PRDM10: variants seen among roughly 807,000 people sequenced by gnomAD.
The protein encoded by PRDM10 is PR/SET domain 10, also known as PR domain zinc finger protein 10.
In PRDM10, 65 loss-of-function variants were observed where a neutral mutation model predicts 133.1. The ratio of observed to expected loss-of-function variants is 0.49; its 90% CI spans 0.40 to 0.60. The LOEUF is 0.60. Among genes scored for constraint, PRDM10 ranks in the 20% least tolerant of loss-of-function variants. The pLI, the probability that PRDM10 is intolerant of heterozygous loss-of-function variation, is 0.00. For missense variants in PRDM10, 1,137 were observed against 1,507.1 expected (o/e 0.75, Z 4.07); for synonymous variants, 582 against 580.4 (o/e 1.00, Z -0.04).
In PRDM10 at chr11:129,918,530, G is replaced by C. The variant is rs1157911517; in HGVS notation, c.2214+9C>G. ...AAGACAGAGGAACCCGCAGCCACTG[G>C]GCACTGACCAGCATGCCGCGCCGCC... On this transcript the variant is annotated intron_variant, in intron 14 of 20. Coordinates refer to ENST00000360871, the MANE Select transcript of PRDM10 (RefSeq NM_199437.2). This position sits in a 1 kb window ranked among gnomAD's most constrained non-coding sequence, Gnocchi z 5.3. The C allele has an allele frequency of 6.2e-7, 1 of 1,611,928 alleles. No individual in the cohort carries two copies. Among genetic ancestry groups the C allele is most frequent in the Non-Finnish European group, 8.5e-7 (1 of 1,178,988 alleles).
chr11:129,910,349 C>T (rs1950147566), intron 19 of PRDM10, 127 bp downstream of exon 19: 14 of 1,289,318 alleles, frequency 1.1e-5, no homozygotes, highest in Middle Eastern at 5.5e-4. Flanking sequence ...CATTGAAGTA[C>T]ATTCATAGAG....
intron 3 of PRDM10, 27 bp from the exon 4 acceptor site, chr11:129,955,598 A>T: frequency 6.2e-7 from 1 of 1,610,046 alleles, no homozygotes. Context: ...ACAAAAAATT[A>T]TCAGTAGCTC....
intron 1 of PRDM10, among the ~76,000 whole-genome samples, chr11:129,984,863 T>C (rs1938325648): frequency 6.6e-6 from 1 of 152,224 alleles, no homozygotes; most frequent in South Asian, 2.1e-4. Flanking sequence ...GAGGATGCTT[T>C]CTCCGCCACT....
intron 2 of PRDM10, 137 bp downstream of exon 2, chr11:129,960,759 A>G: frequency 1.2e-6 from 1 of 838,522 alleles, no homozygotes; most frequent in Non-Finnish European, 1.9e-6. Context: ...AACAGTCCCT[A>G]TTCCTTGTGT....
In PRDM10 at chr11:129,945,166, C is replaced by G. The variant is rs538991130; in HGVS notation, c.521-154G>C. 6.6e-6 allele frequency among the ~76,000 whole-genome samples: 1 copy of G among 152,310 alleles called. No individual in the cohort carries two copies. Among genetic ancestry groups the G allele is most frequent in the South Asian group, 2.1e-4 (1 of 4,830 alleles). The stretch of plus-strand genomic sequence containing the variant: ...GCTACCCATTCAACGGTAATACATT[C>G]TCTCTGGGAGACCAGTAAAAATCCT... On this transcript the variant is annotated intron_variant, in intron 5 of 20. Transcript: ENST00000360871. This position sits in a 1 kb window ranked among gnomAD's most constrained non-coding sequence, Gnocchi z 4.2.
chr11:129,927,422 T>C (rs934656860), intron 11 of PRDM10, among the ~76,000 whole-genome samples: 5 of 152,184 alleles, frequency 3.3e-5, no homozygotes, highest in African/African-American at 1.2e-4. Flanking sequence ...ACTTTTGCCA[T>C]GTAGGAATCT....
intron 1 of PRDM10, among the ~76,000 whole-genome samples, chr11:129,971,778 A>T (rs1952031549): frequency 6.6e-6 from 1 of 152,226 alleles, no homozygotes; most frequent in Admixed American, 6.5e-5. Context: ...CACCCAGTGG[A>T]TCCCGCACCG....
chr11:129,993,643 C>T (rs1228151984), intron 1 of PRDM10, among the ~76,000 whole-genome samples: 2 of 152,134 alleles, frequency 1.3e-5, no homozygotes, highest in Non-Finnish European at 2.9e-5. Context: ...CGCCACCACA[C>T]CTGGCTAACT....
intron 1 of PRDM10, among the ~76,000 whole-genome samples, chr11:129,989,809 T>C (rs903227823): frequency 4.6e-5 from 7 of 152,152 alleles, no homozygotes; most frequent in East Asian, 1.9e-4. Flanking sequence ...CACTACAATA[T>C]GTAATATAAA....
chr11:129,943,502 G>A (rs1415375145), intron 6 of PRDM10, among the ~76,000 whole-genome samples: 4 of 152,190 alleles, frequency 2.6e-5, no homozygotes, highest in African/African-American at 4.8e-5. Flanking sequence ...ACTTTTAAAG[G>A]GGTAATTAAG....
chr11:129,912,914 G>C (rs1160708347), intron 17 of PRDM10, among the ~76,000 whole-genome samples: 3 of 151,848 alleles, frequency 2.0e-5, no homozygotes, highest in Non-Finnish European at 4.4e-5. Context: ...ACAAAAATTA[G>C]CTGGGTGTGG....
rs569188911 is a variant in PRDM10 at position 129,954,896 on chromosome 11, C to T, written c.294+616G>A. Among the ~76,000 whole-genome samples, 3 of 152,034 alleles carry T rather than the reference C, an allele frequency of 2.0e-5. No homozygotes were observed. In the South Asian group the frequency reaches 6.2e-4, roughly 32 times the overall value. ...CTATATTGCCCAGTCTGGTCTCAAA[C>T]GATTCTCCCACCTCAGCCTCCCAAA... On this transcript the variant is annotated intron_variant, in intron 4 of 20. Coordinates refer to ENST00000360871, the MANE Select transcript of PRDM10 (RefSeq NM_199437.2).
intron 3 of PRDM10, among the ~76,000 whole-genome samples, chr11:129,957,322 C>A (rs965210340): frequency 3.3e-5 from 5 of 151,836 alleles, no homozygotes; most frequent in Non-Finnish European, 7.4e-5. Flanking sequence ...CTTGAGAGCA[C>A]AGATCTTTTT....
At chr11:129,998,912 T>G (rs1465886019) in intron 1 of PRDM10, among the ~76,000 whole-genome samples, 1 of 151,610 alleles carries the variant, frequency 6.6e-6, no homozygotes, top group Non-Finnish European at 1.5e-5. Context: ...AGCCGCTACT[T>G]CCGGGGCTCA....
At chr11:129,949,602 G>A (rs1340401254) in intron 4 of PRDM10, among the ~76,000 whole-genome samples, 2 of 152,160 alleles carry the variant, frequency 1.3e-5, no homozygotes, top group East Asian at 3.8e-4. Context: ...TTTCTGCTGT[G>A]CATCTTAATC....
rs1735429086 is a variant in PRDM10, at chr11:129,947,983, C to T, written c.295-613G>A. Reference sequence around the variant, plus strand: ...TTTTAAAACTAAACACGTCGTGCAACACATGGTTAACAAAGTTCCATAGCT... The same window carrying T: ...TTTTAAAACTAAACACGTCGTGCAATACATGGTTAACAAAGTTCCATAGCT... On this transcript the variant is annotated intron_variant, in intron 4 of 20. Coordinates refer to ENST00000360871, the MANE Select transcript of PRDM10 (RefSeq NM_199437.2). The surrounding 1 kb of genome is among the most constrained non-coding windows in gnomAD (Gnocchi z 4.6). 2.2e-6 allele frequency: 1 copy of T among 453,298 alleles called. No homozygotes were observed. 28.1% of individuals were successfully genotyped at this position (453,298 alleles called of 1,614,324 possible). A position where few individuals can be genotyped will look rare whatever the true frequency, so the allele number is the denominator to read the frequency against.
chr11:129,935,779 T>C (rs568268199), intron 8 of PRDM10, among the ~76,000 whole-genome samples: 4 of 152,294 alleles, frequency 2.6e-5, no homozygotes, highest in African/African-American at 7.2e-5. Flanking sequence ...CTCTTCAAAA[T>C]AGCCAAAAAC....
intron 1 of PRDM10, among the ~76,000 whole-genome samples, chr11:129,962,384 T>A (rs904627344): frequency 3.3e-5 from 5 of 152,224 alleles, no homozygotes; most frequent in African/African-American, 1.2e-4. Flanking sequence ...GAGGATGCCA[T>A]GTCCATCTTC....
Position 129,949,451 on chromosome 11 carries a change from T to C in PRDM10, c.295-2081A>G, listed in dbSNP as rs111810522. On this transcript the variant is annotated intron_variant, in intron 4 of 20. Coordinates refer to ENST00000360871, the MANE Select transcript of PRDM10 (RefSeq NM_199437.2). The stretch of plus-strand genomic sequence containing the variant: ...CATGATGATATCATATACTTCCTCC[T>C]CAAATTTAAAAGATCGCTGAGCATA... 5.2e-3 allele frequency among the ~76,000 whole-genome samples: 791 copies of C among 152,318 alleles called. 6 individuals are homozygous for C. The highest frequency in any genetic ancestry group is 0.018 in the African/African-American group (741 of 41,560).
Sources: gnomAD v4.1 joint callset for allele counts (sites outside exome capture counted in the v4.1 genomes callset) on GRCh38, gnomAD v4.1.1 for gene constraint, Gnocchi (gnomAD v3.1) non-coding constraint, MANE v1.5 for transcripts, NCBI Gene and HGNC (gene_info 2026-07-23, HGNC 2026-07-21) for gene names.